Variants in XKR6 observed in about 807,000 individuals in gnomAD.
XKR6 encodes the protein XK related 6, also known as XK-related protein 6.
XKR6 carries 22 observed loss-of-function variants against 56.7 expected under a neutral mutation model. The observed-to-expected ratio is 0.39, with a 90% confidence interval of 0.28 to 0.55. The LOEUF (loss-of-function observed/expected upper bound fraction) is 0.55. Among genes scored for constraint, XKR6 ranks in the 20% least tolerant of loss-of-function variants. XKR6 has a pLI of 0.66. For missense variants in XKR6, 852 were observed against 889.0 expected, an observed-to-expected ratio of 0.96 and a Z score of 0.53; for synonymous variants, 524 against 387.8, an observed-to-expected ratio of 1.35 and a Z score of -4.13.
chr8:10,944,381 G>A (rs73535493), intron 1 of XKR6, among the ~76,000 whole-genome samples: 6,598 of 152,242 alleles, frequency 0.043, 511 homozygotes, highest in African/African-American at 0.15. Context: ...CTCCCTGGAC[G>A]GTTTAAGAAA....
At chr8:11,190,509 T>G (rs1737666107) in intron 1 of XKR6, among the ~76,000 whole-genome samples, 1 of 152,202 alleles carries the variant, frequency 6.6e-6, no homozygotes, top group Admixed American at 6.5e-5. Flanking sequence ...CTGAAAACTG[T>G]GTCCTAAGAC....
chr8:11,162,305 G>C (rs1000094905), intron 1 of XKR6, among the ~76,000 whole-genome samples: 2 of 152,110 alleles, frequency 1.3e-5, no homozygotes, highest in Admixed American at 1.3e-4. Flanking sequence ...CCCAGGAAAA[G>C]CCGCCTTCTC....
rs566517517 is a variant in XKR6, at chr8:10,997,122, T to C, written c.765-72292A>G. Among the ~76,000 whole-genome samples, 6 of 152,304 alleles carry C rather than the reference T, an allele frequency of 3.9e-5. No homozygotes were observed. In the South Asian group the frequency reaches 1.2e-3, roughly 32 times the overall value. On this transcript the variant is annotated intron_variant, in intron 1 of 2. Transcript: ENST00000416569. ...CATTCAGTGTCCTCATTATTTCTTT[T>C]CTCAAACTCCATCATCAGTACAACC...
intron 1 of XKR6, among the ~76,000 whole-genome samples, chr8:11,158,304 G>A (rs532059707): frequency 6.6e-6 from 1 of 152,348 alleles, no homozygotes; most frequent in Non-Finnish European, 1.5e-5. Flanking sequence ...AATAGGGCCT[G>A]AAGGATGAGA....
At chr8:11,015,243 A>G (rs1586433134) in intron 1 of XKR6, among the ~76,000 whole-genome samples, 1 of 151,492 alleles carries the variant, frequency 6.6e-6, no homozygotes, top group Non-Finnish European at 1.5e-5. Context: ...TCCAATTTCA[A>G]CTTCCTTAGC....
At chr8:10,922,512 C>T (rs755560579) in intron 2 of XKR6, among the ~76,000 whole-genome samples, 12 of 152,242 alleles carry the variant, frequency 7.9e-5, no homozygotes, top group Non-Finnish European at 1.5e-4. Flanking sequence ...ATTTCAAAGA[C>T]ATCCCTATGA....
intron 1 of XKR6, among the ~76,000 whole-genome samples, chr8:10,945,250 A>T (rs1801500137): frequency 6.6e-6 from 1 of 152,204 alleles, no homozygotes; most frequent in Non-Finnish European, 1.5e-5. Context: ...TTGGGAGGCC[A>T]AGGCAGGCGG....
At chr8:11,166,537 T>A (rs1248191209) in intron 1 of XKR6, among the ~76,000 whole-genome samples, 3 of 152,190 alleles carry the variant, frequency 2.0e-5, no homozygotes, top group Non-Finnish European at 2.9e-5. Context: ...TAATATTTAG[T>A]GCATTTAATT....
In XKR6 at chr8:10,898,929, C is replaced by G. The variant is rs1247201927; in HGVS notation, c.962-13G>C. 2 of 1,580,892 alleles carry G rather than the reference C, an allele frequency of 1.3e-6. No individual in the cohort carries two copies. The highest frequency in any genetic ancestry group is 1.7e-6 in the Non-Finnish European group (2 of 1,166,024). On this transcript the variant is annotated splice_polypyrimidine_tract_variant and intron_variant, in intron 2 of 2. Transcript: ENST00000416569. This position sits in a 1 kb window ranked among gnomAD's most constrained non-coding sequence, Gnocchi z 6.6. The stretch of plus-strand genomic sequence containing the variant: ...ACAGAGGAGACACCTGCCGGAAAGA[C>G]ACAAACCCACACAGTCAAAACCTTG...
At position 11,200,080 on chromosome 8, in the gene XKR6, G is replaced by T. The variant is rs1451580557; in HGVS notation, c.764+496C>A. ...GGGGCGTGGAATCCAGGAGTGCTCG[G>T]AGGCGGCAGCAAGGGTTTTTCCACA... On this transcript the variant is annotated intron_variant, in intron 1 of 2. Transcript: ENST00000416569. This position sits in a 1 kb window ranked among gnomAD's most constrained non-coding sequence, Gnocchi z 6.4. Among the ~76,000 whole-genome samples, 2 of 152,232 alleles carry T rather than the reference G, an allele frequency of 1.3e-5. No individual in the cohort carries two copies. The highest frequency in any genetic ancestry group is 2.9e-5 in the Non-Finnish European group (2 of 68,040).
chr8:11,131,501 T>C (rs1400028817), intron 1 of XKR6, among the ~76,000 whole-genome samples: 1 of 152,166 alleles, frequency 6.6e-6, no homozygotes, highest in Non-Finnish European at 1.5e-5. Context: ...AGCTAACGTT[T>C]TAAAAAATAT....
chr8:10,945,420 GT>G (rs1179800286), intron 1 of XKR6, among the ~76,000 whole-genome samples: 1 of 152,180 alleles, frequency 6.6e-6, no homozygotes, highest in African/African-American at 2.4e-5. Flanking sequence ...GGAGGTGGAA[GT>G]TGGAATGAGC....
chr8:10,897,841 G>T lies in XKR6; in HGVS notation c.*111C>A. On this transcript the variant is annotated 3_prime_UTR_variant, in exon 3 of 3. Transcript: ENST00000416569. ...GTGGTGTTGGTGTGGCGGTGTTGGT[G>T]GTGGTGGCGGTGGTTCTGTGTATTG... 7.4e-7 allele frequency: 1 copy of T among 1,354,000 alleles called. No individual in the cohort carries two copies. The highest frequency in any genetic ancestry group is 9.8e-7 in the Non-Finnish European group (1 of 1,017,900). 83.9% of individuals were successfully genotyped at this position (1,354,000 alleles called of 1,614,324 possible). A position where few individuals can be genotyped will look rare whatever the true frequency, so the allele number is the denominator to read the frequency against.
In XKR6 at chr8:11,050,557, G is replaced by C. The variant is rs1799521094; in HGVS notation, c.765-125727C>G. ...GAGAGGGAAACAGAAGAGAGAAAGAGCTTTCATTTTATTTAAAAAAAAAAA... is the reference window on the plus strand; with the variant it reads ...GAGAGGGAAACAGAAGAGAGAAAGACCTTTCATTTTATTTAAAAAAAAAAA... On this transcript the variant is annotated intron_variant, in intron 1 of 2. Transcript: ENST00000416569. Among the ~76,000 whole-genome samples the C allele has an allele frequency of 2.2e-5, 3 of 137,648 alleles. No homozygotes were observed. The Admixed American group carries it at 2.3e-4, about 10-fold the overall frequency. 90.3% of individuals were successfully genotyped at this position (137,648 alleles called of 152,430 possible).
intron 1 of XKR6, among the ~76,000 whole-genome samples, chr8:11,158,205 T>C (rs1264909332): frequency 2.6e-5 from 4 of 152,002 alleles, no homozygotes; most frequent in African/African-American, 7.3e-5. Flanking sequence ...GGAAATACAG[T>C]GTGCAATGGA....
chr8:11,153,137 G>A (rs1438739413), intron 1 of XKR6, among the ~76,000 whole-genome samples: 1 of 152,122 alleles, frequency 6.6e-6, no homozygotes, highest in African/African-American at 2.4e-5. Flanking sequence ...ATCCAATGAA[G>A]AAACTGAGCC....
chr8:10,993,204 C>T (rs767878059), intron 1 of XKR6, among the ~76,000 whole-genome samples: 1 of 152,256 alleles, frequency 6.6e-6, no homozygotes, highest in African/African-American at 2.4e-5. Flanking sequence ...TGGTAGCTCT[C>T]GCGCCCAGGC....
At position 11,118,671 on chromosome 8, in the gene XKR6, T is replaced by C. The variant is rs544459191; in HGVS notation, c.764+81905A>G. Among the ~76,000 whole-genome samples, 32 of 152,344 alleles carry C rather than the reference T, an allele frequency of 2.1e-4. 1 individual carries two copies. The South Asian group carries it at 3.3e-3, about 16-fold the overall frequency. The stretch of plus-strand genomic sequence containing the variant: ...GTGGTGATATCCCCTTTATCATTTT[T>C]TATTGCATCTATTTGATTCTTCTCT... On this transcript the variant is annotated intron_variant, in intron 1 of 2. Coordinates refer to ENST00000416569, the MANE Select transcript of XKR6 (RefSeq NM_173683.4).
intron 1 of XKR6, among the ~76,000 whole-genome samples, chr8:11,051,124 C>T (rs1250919975): frequency 3.3e-5 from 5 of 152,138 alleles, no homozygotes; most frequent in Admixed American, 6.6e-5. Context: ...AGCCCTCTCC[C>T]TTGGCCTTGT....
Sources: allele counts gnomAD v4.1 joint callset (sites outside exome capture counted in the v4.1 genomes callset), GRCh38; gene constraint gnomAD v4.1.1; non-coding constraint Gnocchi (gnomAD v3.1); transcripts MANE v1.5; gene names NCBI Gene and HGNC (gene_info 2026-07-23, HGNC 2026-07-21).